The following CNBD1 variants were observed in gnomAD, a reference collection of about 807,000 sequenced individuals.
CNBD1 encodes the protein cyclic nucleotide-binding domain-containing protein 1.
Under a neutral mutation model 54.4 loss-of-function variants are expected in CNBD1, and 71 were observed. That is an observed-to-expected ratio of 1.30 (90% CI 1.08 to 1.59). CNBD1 has a LOEUF of 1.59. CNBD1 is among the 40% of genes most tolerant of loss of function. CNBD1 has a pLI of 0.00. For missense variants in CNBD1, 659 were observed against 518.0 expected (o/e 1.27, Z -2.64); for synonymous variants, 182 against 170.7 (o/e 1.07, Z -0.51).
intron 4 of CNBD1, among the ~76,000 whole-genome samples, chr8:86,989,384 G>T (rs530618089): frequency 1.3e-5 from 2 of 151,984 alleles, no homozygotes; most frequent in Admixed American, 1.3e-4. Context: ...TTTCTTTTGG[G>T]TATATACCTA....
intron 4 of CNBD1, among the ~76,000 whole-genome samples, chr8:87,116,859 T>TAC (rs773724704): frequency 5.9e-5 from 9 of 152,264 alleles, no homozygotes; most frequent in Non-Finnish European, 1.3e-4. Context: ...CTCAGAACAA[T>TAC]ACACACACAC....
chr8:87,339,835 C>G (rs1352260169), intron 8 of CNBD1, among the ~76,000 whole-genome samples: 1 of 152,080 alleles, frequency 6.6e-6, no homozygotes, highest in Non-Finnish European at 1.5e-5. Context: ...GTTACTGATG[C>G]TGTTTATTTA....
chr8:87,387,974 T>A (rs1306735439), intron 2 of CNBD1, among the ~76,000 whole-genome samples: 1 of 152,058 alleles, frequency 6.6e-6, no homozygotes, highest in African/African-American at 2.4e-5. Flanking sequence ...CTCAACTACA[T>A]GGAAACTGAA....
chr8:86,899,418 A>G (rs894229203), intron 2 of CNBD1, among the ~76,000 whole-genome samples: 3 of 152,220 alleles, frequency 2.0e-5, no homozygotes, highest in Non-Finnish European at 2.9e-5. Flanking sequence ...TATGTATTCT[A>G]GAACATCATG....
chr8:87,176,643 C>T (rs901844505), intron 4 of CNBD1, among the ~76,000 whole-genome samples: 1 of 149,068 alleles, frequency 6.7e-6, no homozygotes, highest in African/African-American at 2.4e-5. Context: ...GCCCACCACG[C>T]CCGGCTAAAT....
At chr8:87,126,704 A>T (rs1343675238) in intron 4 of CNBD1, among the ~76,000 whole-genome samples, 1 of 151,828 alleles carries the variant, frequency 6.6e-6, no homozygotes, top group East Asian at 1.9e-4. Context: ...TATCATAGCA[A>T]TTTTTGCCTA....
At chr8:87,365,580 AG>A (rs1452483332) in intron 10 of CNBD1, among the ~76,000 whole-genome samples, 4 of 152,054 alleles carry the variant, frequency 2.6e-5, no homozygotes, top group Admixed American at 2.0e-4. Flanking sequence ...ATTGATTCAA[AG>A]GTTCTATGTT....
chr8:87,333,295 A>T (rs1809873466), intron 8 of CNBD1, among the ~76,000 whole-genome samples: 1 of 152,134 alleles, frequency 6.6e-6, no homozygotes, highest in Non-Finnish European at 1.5e-5. Context: ...ATGTTTTTCT[A>T]AATATACTAT....
intron 2 of CNBD1, among the ~76,000 whole-genome samples, chr8:87,419,275 G>C (rs779791897): frequency 6.6e-6 from 1 of 151,850 alleles, no homozygotes; most frequent in Non-Finnish European, 1.5e-5. Flanking sequence ...GACACAGAAA[G>C]ATTAGTGTTT....
intron 1 of CNBD1, among the ~76,000 whole-genome samples, chr8:86,869,517 C>G (rs529215092): frequency 6.6e-6 from 1 of 152,328 alleles, no homozygotes; most frequent in East Asian, 1.9e-4. Context: ...GACTCAGACA[C>G]TTCAAGTAGT....
intron 2 of CNBD1, among the ~76,000 whole-genome samples, chr8:87,412,002 G>T (rs537601423): frequency 1.1e-4 from 16 of 151,890 alleles, no homozygotes; most frequent in Non-Finnish European, 1.3e-4. Context: ...ATTTTCTAGG[G>T]ATTACCTTGA....
chr8:87,350,777 C>T (rs867256811), intron 8 of CNBD1, among the ~76,000 whole-genome samples: 16 of 151,748 alleles, frequency 1.1e-4, no homozygotes, highest in African/African-American at 3.1e-4. Context: ...TTTCAGATTT[C>T]ATAACGTAGA....
At chr8:87,061,004 C>G (rs1474716044) in intron 4 of CNBD1, among the ~76,000 whole-genome samples, 1 of 152,278 alleles carries the variant, frequency 6.6e-6, no homozygotes, top group African/African-American at 2.4e-5. Flanking sequence ...AAGTTAGTGA[C>G]CTGGCTCATC....
intron 4 of CNBD1, among the ~76,000 whole-genome samples, chr8:87,145,376 T>C (rs916294641): frequency 6.6e-6 from 1 of 152,164 alleles, no homozygotes. Flanking sequence ...AAAATAAATA[T>C]CTTTTTAGAT....
chr8:86,921,640 C>T (rs1384118635), intron 3 of CNBD1, among the ~76,000 whole-genome samples: 1 of 152,052 alleles, frequency 6.6e-6, no homozygotes, highest in East Asian at 1.9e-4. Context: ...CTTTATAAAA[C>T]CATCAGATCT....
intron 4 of CNBD1, among the ~76,000 whole-genome samples, chr8:87,155,640 A>G (rs1464298995): frequency 6.6e-6 from 1 of 152,210 alleles, no homozygotes; most frequent in African/African-American, 2.4e-5. Context: ...TGGAAATGAA[A>G]AACTAGTTCT....
chr8:86,942,499 C>G (rs1447127841), intron 4 of CNBD1, among the ~76,000 whole-genome samples: 1 of 152,136 alleles, frequency 6.6e-6, no homozygotes, highest in Non-Finnish European at 1.5e-5. Context: ...GACTGACATC[C>G]CCACTTTCAT....
At chr8:87,243,512 T>C (rs1380651035) in intron 6 of CNBD1, among the ~76,000 whole-genome samples, 4 of 152,192 alleles carry the variant, frequency 2.6e-5, no homozygotes, top group African/African-American at 9.7e-5. Flanking sequence ...GTGCTCCATA[T>C]TCTTTTACTT....
At chr8:87,289,260 A>G (rs1808746265) in intron 8 of CNBD1, among the ~76,000 whole-genome samples, 1 of 152,158 alleles carries the variant, frequency 6.6e-6, no homozygotes, top group African/African-American at 2.4e-5. Context: ...TGAAATAAGT[A>G]AAGCTTGTAT....
Sources: gnomAD v4.1 joint callset for allele counts (sites outside exome capture counted in the v4.1 genomes callset) on GRCh38, gnomAD v4.1.1 for gene constraint, MANE v1.5 for transcripts, NCBI Gene and HGNC (gene_info 2026-07-23, HGNC 2026-07-21) for gene names.